The following HAUS4 variants were observed in gnomAD, a reference collection of about 807,000 sequenced individuals.
HAUS4 encodes HAUS augmin like complex subunit 4.
In HAUS4, 34 loss-of-function variants were observed where a neutral mutation model predicts 50.6. The observed-to-expected ratio is 0.67, with a 90% CI of 0.51 to 0.90. HAUS4 has a LOEUF of 0.90. Ranked by LOEUF, HAUS4 falls within the 40% of genes least tolerant of loss-of-function variation. The pLI is 0.00. For missense variants in HAUS4, 370 were observed against 428.7 expected, an observed-to-expected ratio of 0.86 and a Z score of 1.21; for synonymous variants, 149 against 161.4, an observed-to-expected ratio of 0.92 and a Z score of 0.58.
chr14:22,956,718 G>C (rs1594553180), intron 1 of HAUS4, 198 bp downstream of exon 1: 1 of 152,366 alleles, frequency 6.6e-6, no homozygotes, highest in East Asian at 1.9e-4. Flanking sequence ...TGATTTTACA[G>C]GTTATTTTCA....
Position 22,946,408 on chromosome 14 carries a change from TA to T in HAUS4, c.*116del. On this transcript the variant is annotated 3_prime_UTR_variant, in exon 10 of 10. Transcript: ENST00000541587. ...CTAAATGACTGCAGTGTTTCAAGCG[TA>T]AGCATTTCCACACTCCCTTGTACTG... is the stretch of plus-strand genomic sequence containing the variant. The T allele has an allele frequency of 1.5e-6, 1 of 679,070 alleles. No individual in the cohort carries two copies. The highest frequency in any genetic ancestry group is 2.4e-6 in the Non-Finnish European group (1 of 423,264). The allele number at this position is 679,070 out of a possible 1,614,324, so 42.1% of individuals were successfully genotyped here. A position where few individuals can be genotyped will look rare whatever the true frequency, so the allele number is the denominator to read the frequency against.
At chr14:22,951,829 G>A (rs369721856) in intron 4 of HAUS4, 140 bp from the exon 5 acceptor site, 10 of 698,234 alleles carry the variant, frequency 1.4e-5, no homozygotes, top group Admixed American at 9.3e-5. Flanking sequence ...ACTCAGCTGC[G>A]AGTGACTTCT....
intron 9 of HAUS4, 141 bp downstream of exon 9, chr14:22,947,030 C>A: frequency 1.5e-6 from 1 of 665,162 alleles, no homozygotes; most frequent in South Asian, 1.7e-5. Context: ...GCGAGCTGCC[C>A]ACCTCGGCCT....
Position 22,947,858 on chromosome 14 carries a change from CCT to C in HAUS4, c.708+8_708+9del. The C allele has an allele frequency of 6.2e-7, 1 of 1,612,214 alleles. No homozygotes were observed. Among genetic ancestry groups the C allele is most frequent in the Non-Finnish European group, 8.5e-7 (1 of 1,179,098 alleles). ...ATAAAGGAAAGGGGCTGTCCCATGCCCTGATAAACCTGGGAGTAAGCAGCACT... is the reference window on the plus strand; with the variant it reads ...ATAAAGGAAAGGGGCTGTCCCATGCCGATAAACCTGGGAGTAAGCAGCACT... On this transcript the variant is annotated splice_region_variant and intron_variant, in intron 7 of 9. Coordinates refer to ENST00000541587, the MANE Select transcript of HAUS4 (RefSeq NM_001166269.2).
At position 22,955,167 on chromosome 14, in the gene HAUS4, G is replaced by T; in HGVS notation, c.-13C>A. The T allele has an allele frequency of 6.2e-7, 1 of 1,602,128 alleles. No homozygotes were observed. The highest frequency in any genetic ancestry group is 8.6e-7 in the Non-Finnish European group (1 of 1,169,204). On this transcript the variant is annotated 5_prime_UTR_variant, in exon 2 of 10. Transcript: ENST00000541587. ...CCCCGGATGCCATTTGATTTTCTTG[G>T]GATTCTAATCTGTGGAACCAAGAAG...
chr14:22,947,310 G>C, intron 8 of HAUS4, 71 bp from the exon 9 acceptor site: 1 of 1,041,512 alleles, frequency 9.6e-7, no homozygotes, highest in South Asian at 1.3e-5. Context: ...AATGGACGTA[G>C]TACCTGCCGA....
chr14:22,947,465 G>A, intron 8 of HAUS4, 136 bp downstream of exon 8: 1 of 974,692 alleles, frequency 1.0e-6, no homozygotes. Context: ...TAATCCAAAA[G>A]CTAATACTGC....
rs2044660087 is a variant in HAUS4, at chr14:22,947,259, A to C, written c.840-20T>G. 2.6e-6 allele frequency: 4 copies of C among 1,553,186 alleles called. No individual in the cohort carries two copies. The highest frequency in any genetic ancestry group is 3.6e-6 in the Non-Finnish European group (4 of 1,124,416). On this transcript the variant is annotated intron_variant, in intron 8 of 9. Transcript: ENST00000541587. ...TCCATCCTGACAGAGGGAAGAAAGA[A>C]ATGTCAAGGCAGGAAGGTCCCTGAT...
At chr14:22,952,977 G>A (rs4981454) in intron 2 of HAUS4, among the ~76,000 whole-genome samples, 113,619 of 152,018 alleles carry the variant, frequency 0.75, 43,040 homozygotes, top group East Asian at 0.95. Flanking sequence ...TTAAGGGACC[G>A]TTAGTAGGAA....
intron 5 of HAUS4, among the ~76,000 whole-genome samples, chr14:22,951,338 A>G (rs1226828656): frequency 6.6e-6 from 1 of 151,950 alleles, no homozygotes; most frequent in Non-Finnish European, 1.5e-5. Flanking sequence ...AGGGTATAAT[A>G]CCATTTATGT....
At position 22,947,669 on chromosome 14, in the gene HAUS4, T is replaced by C. The variant is rs2044669518; in HGVS notation, c.771A>G (p.Gln257=). 3 of 1,614,038 alleles carry C rather than the reference T, an allele frequency of 1.9e-6. No individual in the cohort carries two copies. The highest frequency in any genetic ancestry group is 1.1e-5 in the South Asian group (1 of 91,086). The change falls in exon 8 of 10, where the codon CAA becomes CAG. Residue 257 remains glutamine (Q), a synonymous_variant. Coordinates refer to ENST00000541587, the MANE Select transcript of HAUS4 (RefSeq NM_001166269.2). ...GGGCATTGATGCGGTCTAGCTCGGA[T>C]TGAGTCTTCAGCCGGTGTTCTTGAA... The part of the protein sequence containing the change: ...RLLQEHRLKT[Q]SELDRINAQY...
rs962731545 is a variant in HAUS4, at chr14:22,953,149, AT to A, written c.56-467del. ...AGTAAGTTAAACGTTCAACTAACCA[AT>A]TTTTTTTTTTTCTTTTTGAGACAGG... is the stretch of plus-strand genomic sequence containing the variant. On this transcript the variant is annotated intron_variant, in intron 2 of 9. Coordinates refer to ENST00000541587, the MANE Select transcript of HAUS4 (RefSeq NM_001166269.2). Among the ~76,000 whole-genome samples the A allele has an allele frequency of 2.1e-3, 317 of 147,686 alleles. 2 individuals are homozygous for A. Among genetic ancestry groups the A allele is most frequent in the African/African-American group, 6.4e-3 (258 of 40,508 alleles).
intron 5 of HAUS4, among the ~76,000 whole-genome samples, chr14:22,951,272 T>C (rs2044747541): frequency 6.6e-6 from 1 of 152,034 alleles, no homozygotes; most frequent in South Asian, 2.1e-4. Context: ...CCCAAAGTGC[T>C]ACGATTATAG....
chr14:22,948,084 G>C, intron 6 of HAUS4, 71 bp from the exon 7 acceptor site: 1 of 1,404,812 alleles, frequency 7.1e-7, no homozygotes. Flanking sequence ...ACCTTCCAGT[G>C]CCCCTATCCT....
chr14:22,950,917 C>T (rs977717165), intron 5 of HAUS4, among the ~76,000 whole-genome samples: 3 of 152,192 alleles, frequency 2.0e-5, no homozygotes, highest in Admixed American at 6.5e-5. Context: ...AGATACTTTG[C>T]TAACAGTGCT....
intron 2 of HAUS4, chr14:22,954,625 A>G (rs2044823587): frequency 6.5e-6 from 1 of 152,888 alleles, no homozygotes; most frequent in African/African-American, 2.4e-5. Context: ...GAATTAGTGT[A>G]GTCTGTTTTC....
chr14:22,949,649 T>G (rs1016572234), intron 6 of HAUS4, among the ~76,000 whole-genome samples: 2 of 151,758 alleles, frequency 1.3e-5, no homozygotes, highest in Admixed American at 6.6e-5. Context: ...TAGAAACACA[T>G]TATTATAAAC....
Position 22,952,768 on chromosome 14 carries a change from C to CA in HAUS4, c.56-86dup, listed in dbSNP as rs968127590. ...ATAACTGAGCATAACTTAATACTTC[C>CA]AAAAAACCCCTAGGATTTTTATAGG... On this transcript the variant is annotated intron_variant, in intron 2 of 9. Coordinates refer to ENST00000541587, the MANE Select transcript of HAUS4 (RefSeq NM_001166269.2). 7.8e-5 allele frequency: 84 copies of CA among 1,080,132 alleles called. 2 individuals are homozygous for CA. The South Asian group carries it at 1.5e-3, about 19-fold the overall frequency. The allele number at this position is 1,080,132 out of a possible 1,614,324, so 66.9% of individuals were successfully genotyped here. A position where few individuals can be genotyped will look rare whatever the true frequency, so the allele number is the denominator to read the frequency against.
At chr14:22,955,374 G>A in intron 1 of HAUS4, 198 bp from the exon 2 acceptor site, 1 of 580,314 alleles carries the variant, frequency 1.7e-6, no homozygotes, top group Non-Finnish European at 3.1e-6. Context: ...ATTTACAAGT[G>A]CCAAAACATG....
Sources: allele counts gnomAD v4.1 joint callset (sites outside exome capture counted in the v4.1 genomes callset), GRCh38; gene constraint gnomAD v4.1.1; transcripts MANE v1.5; gene names NCBI Gene and HGNC (gene_info 2026-07-23, HGNC 2026-07-21).